The following DAGLA variants were observed in gnomAD, a reference collection of about 807,000 sequenced individuals.
DAGLA encodes the protein diacylglycerol lipase-alpha.
Under a neutral mutation model 102.6 loss-of-function variants are expected in DAGLA, and 22 were observed. The ratio of observed to expected loss-of-function variants is 0.21; its 90% confidence interval spans 0.15 to 0.31. The LOEUF (loss-of-function observed/expected upper bound fraction) is 0.31. DAGLA is among the 10% of genes least tolerant of loss of function. The pLI is 1.00. For missense variants in DAGLA, 927 were observed against 1,446.6 expected, an observed-to-expected ratio of 0.64 and a Z score of 5.83; for synonymous variants, 578 against 628.9, an observed-to-expected ratio of 0.92 and a Z score of 1.21.
intron 1 of DAGLA, among the ~76,000 whole-genome samples, chr11:61,701,765 G>A (rs1343296556): frequency 6.6e-6 from 1 of 152,058 alleles, no homozygotes; most frequent in Non-Finnish European, 1.5e-5. Context: ...CAGTCAGTGG[G>A]GGGTTAGGTT....
intron 16 of DAGLA, 99 bp downstream of exon 16, chr11:61,738,306 A>C: frequency 4.0e-6 from 4 of 995,026 alleles, no homozygotes; most frequent in Non-Finnish European, 4.5e-6. Context: ...AGGCCCTGCC[A>C]TGGAAGGCCA....
intron 1 of DAGLA, among the ~76,000 whole-genome samples, chr11:61,700,882 C>A (rs1269615430): frequency 2.0e-5 from 3 of 152,240 alleles, no homozygotes; most frequent in Non-Finnish European, 4.4e-5. Flanking sequence ...AGCAACGAGA[C>A]CCCCTGCATG....
At chr11:61,685,250 C>G (rs2064978381) in intron 1 of DAGLA, among the ~76,000 whole-genome samples, 1 of 152,158 alleles carries the variant, frequency 6.6e-6, no homozygotes, top group African/African-American at 2.4e-5. Flanking sequence ...CAAGAATTCT[C>G]CCAGGTAATG....
At position 61,744,750 on chromosome 11, in the gene DAGLA, G is replaced by T. The variant is rs911127695; in HGVS notation, c.*261G>T. 7 of 432,912 alleles carry T rather than the reference G, an allele frequency of 1.6e-5. No homozygotes were observed. The highest frequency in any genetic ancestry group is 1.4e-4 in the African/African-American group (7 of 50,130). The allele number at this position is 432,912 out of a possible 1,614,324, so 26.8% of individuals were successfully genotyped here. A position where few individuals can be genotyped will look rare whatever the true frequency, so the allele number is the denominator to read the frequency against. ...TGGGGAGGAGCCTGGGCAGCCTGCT[G>T]GGTGGGCCACACTCAGCCTGACTGC... On this transcript the variant is annotated 3_prime_UTR_variant, in exon 20 of 20. Transcript: ENST00000257215.
chr11:61,691,276 C>T (rs976393679), intron 1 of DAGLA, among the ~76,000 whole-genome samples: 1 of 152,212 alleles, frequency 6.6e-6, no homozygotes, highest in Non-Finnish European at 1.5e-5. Context: ...GCAGCTGGAG[C>T]AGTGCATCCT....
chr11:61,738,272 C>A, intron 16 of DAGLA, 65 bp downstream of exon 16: 1 of 1,393,506 alleles, frequency 7.2e-7, no homozygotes, highest in Non-Finnish European at 1.0e-6. Context: ...TGACCCCCAC[C>A]GGTTTCTTGG....
intron 1 of DAGLA, among the ~76,000 whole-genome samples, chr11:61,706,877 A>G (rs964162106): frequency 3.3e-5 from 5 of 152,232 alleles, no homozygotes; most frequent in African/African-American, 1.2e-4. Flanking sequence ...CGGTCTCACC[A>G]GGACCTTGTC....
Position 61,744,402 on chromosome 11 carries a change from G to A in DAGLA, c.3042G>A (p.Leu1014=). ...TPTGLSSQEC[L]AADKIRTSTP... ...CGGGCCTCAGTAGCCAGGAATGCCT[G>A]GCGGCTGACAAGATCCGGACTTCTA... The change falls in exon 20 of 20, where the codon CTG becomes CTA. Residue 1014 remains leucine, a synonymous_variant. Coordinates refer to ENST00000257215, the MANE Select transcript of DAGLA (RefSeq NM_006133.3). The A allele has an allele frequency of 6.2e-7, 1 of 1,611,010 alleles. No homozygotes were observed. Among genetic ancestry groups the A allele is most frequent in the East Asian group, 2.2e-5 (1 of 44,798 alleles).
chr11:61,733,453 C>G (rs1319334123), intron 9 of DAGLA, among the ~76,000 whole-genome samples: 2 of 152,252 alleles, frequency 1.3e-5, no homozygotes, highest in South Asian at 4.1e-4. Context: ...GTGTAATAGT[C>G]ACTCAGGTGA....
chr11:61,709,774 G>A (rs780366163), intron 1 of DAGLA, among the ~76,000 whole-genome samples: 2 of 152,136 alleles, frequency 1.3e-5, no homozygotes, highest in African/African-American at 2.4e-5. Flanking sequence ...TCTTCCCCTG[G>A]GGAAAGAGCT....
intron 5 of DAGLA, among the ~76,000 whole-genome samples, chr11:61,724,988 G>A (rs769724416): frequency 1.3e-5 from 2 of 152,060 alleles, no homozygotes; most frequent in Admixed American, 6.6e-5. Flanking sequence ...GTTGGAGAGC[G>A]GGAAGCGGTC....
At chr11:61,739,374 TG>T (rs1243658027) in intron 16 of DAGLA, 90 bp from the exon 17 acceptor site, 1 of 1,315,028 alleles carries the variant, frequency 7.6e-7, no homozygotes, top group African/African-American at 1.4e-5. Context: ...ACCTCTCACC[TG>T]CTGAGCCCCC....
chr11:61,698,940 G>C (rs1045688840), intron 1 of DAGLA, among the ~76,000 whole-genome samples: 9 of 152,216 alleles, frequency 5.9e-5, no homozygotes, highest in African/African-American at 2.2e-4. Flanking sequence ...ATTGGAAAAG[G>C]CCTTTTGGGC....
chr11:61,741,398 A>G (rs779747886), intron 19 of DAGLA, 49 bp downstream of exon 19: 3 of 1,569,210 alleles, frequency 1.9e-6, no homozygotes, highest in East Asian at 2.2e-5. Flanking sequence ...TGTGGTTCAG[A>G]GCACATAGAC....
intron 5 of DAGLA, among the ~76,000 whole-genome samples, chr11:61,725,599 C>G (rs1461499710): frequency 1.3e-5 from 2 of 152,172 alleles, no homozygotes; most frequent in Non-Finnish European, 2.9e-5. Context: ...TGCTGACCTC[C>G]CAGGGTTTGA....
intron 12 of DAGLA, 117 bp from the exon 13 acceptor site, chr11:61,736,153 C>T: frequency 2.4e-6 from 2 of 829,056 alleles, no homozygotes; most frequent in Non-Finnish European, 4.0e-6. Flanking sequence ...GCTGGGTTGT[C>T]ACGAGGCCCA....
At chr11:61,730,718 G>T (rs1481238334) in intron 8 of DAGLA, among the ~76,000 whole-genome samples, 2 of 152,186 alleles carry the variant, frequency 1.3e-5, no homozygotes, top group African/African-American at 4.8e-5. Context: ...TCTCCCAAGA[G>T]ATCCCAGTCT....
chr11:61,706,484 G>A (rs960985607), intron 1 of DAGLA, among the ~76,000 whole-genome samples: 1 of 152,180 alleles, frequency 6.6e-6, no homozygotes, highest in Non-Finnish European at 1.5e-5. Flanking sequence ...TTTATCTGCT[G>A]GCCGAGGGCC....
chr11:61,738,273 G>T, intron 16 of DAGLA, 66 bp downstream of exon 16: 1 of 1,369,392 alleles, frequency 7.3e-7, no homozygotes. Flanking sequence ...GACCCCCACC[G>T]GTTTCTTGGG....
Sources: allele counts gnomAD v4.1 joint callset (sites outside exome capture counted in the v4.1 genomes callset), GRCh38; gene constraint gnomAD v4.1.1; transcripts MANE v1.5; gene names NCBI Gene and HGNC (gene_info 2026-07-23, HGNC 2026-07-21).